The following FKBP9 variants were observed in gnomAD, a reference collection of about 807,000 sequenced individuals.
FKBP9 encodes peptidyl-prolyl cis-trans isomerase FKBP9.
In FKBP9, 27 loss-of-function variants were observed where a neutral mutation model predicts 55.6. The observed-to-expected ratio is 0.49, with a 90% CI of 0.36 to 0.67. The LOEUF is 0.67. Ranked by LOEUF, FKBP9 falls within the 30% of genes least tolerant of loss-of-function variation. The pLI, the probability that FKBP9 is intolerant of heterozygous loss-of-function variation, is 0.00. For synonymous variants in FKBP9, 267 were observed against 296.5 expected, an observed-to-expected ratio of 0.90 and a Z score of 1.02; for missense variants, 539 against 742.8, an observed-to-expected ratio of 0.73 and a Z score of 3.19.
intron 6 of FKBP9, among the ~76,000 whole-genome samples, chr7:32,994,465 C>G (rs1310351322): frequency 6.6e-6 from 1 of 152,142 alleles, no homozygotes; most frequent in Admixed American, 6.5e-5. Context: ...CAGACACCCA[C>G]CCTGTCCATG....
chr7:32,958,672 C>A (rs954626497), intron 1 of FKBP9, among the ~76,000 whole-genome samples: 1 of 152,200 alleles, frequency 6.6e-6, no homozygotes, highest in Non-Finnish European at 1.5e-5. Flanking sequence ...AAACAAAACA[C>A]AACACGACAC....
intron 5 of FKBP9, 53 bp from the exon 6 acceptor site, chr7:32,988,454 C>A (rs1784616829): frequency 1.3e-5 from 21 of 1,594,060 alleles, no homozygotes; most frequent in Admixed American, 6.7e-5. Context: ...ATTTGCACAG[C>A]TGCTGTGGAG....
chr7:32,976,706 A>G (rs1562566850), intron 4 of FKBP9, among the ~76,000 whole-genome samples: 1 of 152,174 alleles, frequency 6.6e-6, no homozygotes, highest in African/African-American at 2.4e-5. Context: ...TTAGGTACCC[A>G]ATAGCCTCAC....
intron 1 of FKBP9, among the ~76,000 whole-genome samples, chr7:32,972,033 C>T (rs1209747178): frequency 6.6e-6 from 1 of 152,102 alleles, no homozygotes; most frequent in Non-Finnish European, 1.5e-5. Flanking sequence ...TAGTTTCTTG[C>T]CGGTGCATTG....
Position 32,988,015 on chromosome 7 carries a change from C to CA in FKBP9, c.894-480dup, listed in dbSNP as rs70989919. Among the ~76,000 whole-genome samples, 57 of 145,076 alleles carry CA rather than the reference C, an allele frequency of 3.9e-4. 1 individual carries two copies. The highest frequency in any genetic ancestry group is 1.1e-3 in the South Asian group (5 of 4,562). ...GCAACATAGTGGGACCCCATCTCTA[C>CA]AAAAAAAAAAAAGTATTAGCTAGGT... On this transcript the variant is annotated intron_variant, in intron 5 of 9. Transcript: ENST00000242209.
chr7:32,979,222 T>A (rs6962504), intron 4 of FKBP9, among the ~76,000 whole-genome samples: 6,905 of 152,060 alleles, frequency 0.045, 370 homozygotes, highest in East Asian at 0.19. Flanking sequence ...TGAGCCAAGA[T>A]TGAGCTATTA....
intron 4 of FKBP9, 140 bp from the exon 5 acceptor site, chr7:32,980,224 A>C: frequency 1.4e-6 from 1 of 712,676 alleles, no homozygotes; most frequent in Non-Finnish European, 2.3e-6. Flanking sequence ...ATGGGGGCCC[A>C]TTCAAGACCT....
chr7:32,999,993 T>G, intron 7 of FKBP9, 122 bp from the exon 8 acceptor site: 3 of 1,055,458 alleles, frequency 2.8e-6, no homozygotes, highest in Non-Finnish European at 4.3e-6. Context: ...TTCCTCATGA[T>G]TAGATAGGGA....
At chr7:32,974,566 A>G (rs1784322810) in intron 1 of FKBP9, 51 bp from the exon 2 acceptor site, 1 of 1,541,314 alleles carries the variant, frequency 6.5e-7, no homozygotes, top group Non-Finnish European at 8.9e-7. Context: ...TTTACTGAGG[A>G]AGGGACTATT....
intron 1 of FKBP9, among the ~76,000 whole-genome samples, chr7:32,965,810 A>T (rs865804473): frequency 0.11 from 3,982 of 36,710 alleles, 111 homozygotes; most frequent in African/African-American, 0.13. Flanking sequence ...AAAAAAAAAA[A>T]AAATATATAT....
Position 32,957,809 on chromosome 7 carries a change from G to GC in FKBP9, c.221+16dup. 7.0e-7 allele frequency: 1 copy of GC among 1,424,280 alleles called. No homozygotes were observed. The highest frequency in any genetic ancestry group is 9.2e-7 in the Non-Finnish European group (1 of 1,092,000). The allele number at this position is 1,424,280 out of a possible 1,614,324, so 88.2% of individuals were successfully genotyped here. On this transcript the variant is annotated intron_variant, in intron 1 of 9. Coordinates refer to ENST00000242209, the MANE Select transcript of FKBP9 (RefSeq NM_007270.5). Reference sequence around the variant, plus strand: ...TTCGACTCCAGGTACCGCGCCCTTGGCGCCCGGCGCGGCCTCAGCGGATGC... The same window carrying GC: ...TTCGACTCCAGGTACCGCGCCCTTGGCCGCCCGGCGCGGCCTCAGCGGATGC...
At chr7:32,988,710 A>G (rs1483732824) in intron 6 of FKBP9, 58 bp downstream of exon 6, 17 of 1,537,626 alleles carry the variant, frequency 1.1e-5, no homozygotes, top group East Asian at 2.3e-5. Context: ...ACATTGCTTG[A>G]AACAGGGCTT....
rs377462158 is a variant in FKBP9, at chr7:32,988,546, G to C, written c.933G>C (p.Gln311His). 1.9e-6 allele frequency: 3 copies of C among 1,613,750 alleles called. No individual in the cohort carries two copies. The highest frequency in any genetic ancestry group is 2.5e-6 in the Non-Finnish European group (3 of 1,179,836). ...RNRTFDTYIGQGYVIPGMDEG... is the reference protein window; with the variant it reads ...RNRTFDTYIGHGYVIPGMDEG... ...GCACGTTTGACACGTACATTGGGCA[G>C]GGCTACGTGATTCCTGGGATGGATG... The change falls in exon 6 of 10, where the codon CAG becomes CAC. Residue 311 changes from glutamine (Q) to histidine (H), a missense_variant. Around this residue, in one of 4 missense-constraint regions of FKBP9, gnomAD observed 172 missense variants for 205.3 expected, o/e 0.84. Coordinates refer to ENST00000242209, the MANE Select transcript of FKBP9 (RefSeq NM_007270.5).
intron 1 of FKBP9, among the ~76,000 whole-genome samples, chr7:32,958,346 T>C (rs982563034): frequency 6.6e-6 from 1 of 152,244 alleles, no homozygotes; most frequent in East Asian, 1.9e-4. Context: ...TACAGCAGTC[T>C]TGTGAGGTAG....
At chr7:32,959,610 C>T (rs1783980203) in intron 1 of FKBP9, among the ~76,000 whole-genome samples, 1 of 152,176 alleles carries the variant, frequency 6.6e-6, no homozygotes, top group Non-Finnish European at 1.5e-5. Context: ...AGTCACTCCC[C>T]AACCCCAGTT....
intron 1 of FKBP9, chr7:32,963,786 A>G: frequency 1.6e-6 from 2 of 1,268,440 alleles, no homozygotes; most frequent in South Asian, 2.7e-5. Flanking sequence ...TAAGCTCCCC[A>G]TGCTGCACAC....
chr7:32,982,023 AT>A (rs544558731), intron 5 of FKBP9, among the ~76,000 whole-genome samples: 395 of 138,278 alleles, frequency 2.9e-3, no homozygotes, highest in African/African-American at 5.8e-3. Context: ...CAATGTCTGG[AT>A]TTTTTTTTTT....
At chr7:33,004,922 G>A (rs901818694) in intron 9 of FKBP9, among the ~76,000 whole-genome samples, 2 of 152,016 alleles carry the variant, frequency 1.3e-5, no homozygotes, top group Non-Finnish European at 2.9e-5. Context: ...TAGCTCTGAC[G>A]GCTGCTGGGT....
chr7:32,977,824 T>G (rs138449359), intron 4 of FKBP9, among the ~76,000 whole-genome samples: 1 of 144,144 alleles, frequency 6.9e-6, no homozygotes, highest in African/African-American at 2.5e-5. Flanking sequence ...TATGTATATA[T>G]ACACGCCCAT....
Sources: gnomAD v4.1 joint callset for allele counts (sites outside exome capture counted in the v4.1 genomes callset) on GRCh38, gnomAD v4.1.1 for gene constraint, gnomAD v4.1.1 regional missense constraint, MANE v1.5 for transcripts, NCBI Gene and HGNC (gene_info 2026-07-23, HGNC 2026-07-21) for gene names.